MAN2B2: variants seen among roughly 807,000 people sequenced by gnomAD.
MAN2B2 encodes the protein mannosidase alpha class 2B member 2, also known as epididymis-specific alpha-mannosidase.
MAN2B2 carries 106 observed loss-of-function variants against 117.1 expected under a neutral mutation model. The observed-to-expected ratio is 0.90, with a 90% CI of 0.77 to 1.06. The LOEUF (loss-of-function observed/expected upper bound fraction) is 1.06, where lower values mean the gene tolerates loss of function less well. MAN2B2 is among the 50% of genes least tolerant of loss of function. The pLI is 0.00. For synonymous variants in MAN2B2, 544 were observed against 595.1 expected, an observed-to-expected ratio of 0.91 and a Z score of 1.25; for missense variants, 1,326 against 1,381.4, an observed-to-expected ratio of 0.96 and a Z score of 0.64.
In MAN2B2 at chr4:6,611,275, G is replaced by A. The variant is rs757968931; in HGVS notation, c.2560G>A (p.Ala854Thr). 2.8e-5 allele frequency: 44 copies of A among 1,596,662 alleles called. No homozygotes were observed. The highest frequency in any genetic ancestry group is 4.5e-5 in the East Asian group (2 of 44,688). Residue 854 changes from alanine to threonine, a missense_variant, in exon 15 of 19, where the codon GCT becomes ACT. Physicochemically the swap from Ala to Thr is moderately conservative, Grantham distance 58 (BLOSUM62 0). Coordinates refer to ENST00000285599, the MANE Select transcript of MAN2B2 (RefSeq NM_015274.3). ...HRPVVLFGDL[A>T]GTAPKLPGPQ... Reference sequence around the variant, plus strand: ...GCCCGTGGTGCTGTTCGGAGACCTCGCTGGTAAAGGGGCACCCTTTCAGAG... The same window carrying A: ...GCCCGTGGTGCTGTTCGGAGACCTCACTGGTAAAGGGGCACCCTTTCAGAG...
In MAN2B2 at chr4:6,608,010, T is replaced by TA. The variant is rs753400123; in HGVS notation, c.1815-1096dup. 2.0e-5 allele frequency among the ~76,000 whole-genome samples: 3 copies of TA among 152,368 alleles called. No homozygotes were observed. The South Asian group carries it at 6.2e-4, about 32-fold the overall frequency. Reference sequence around the variant, plus strand: ...GGTGTTGAGCATCTCTTCATGTACTTACTGGTCACTAGCATATCTTCTGTG... The same window carrying TA: ...GGTGTTGAGCATCTCTTCATGTACTTAACTGGTCACTAGCATATCTTCTGTG... On this transcript the variant is annotated intron_variant, in intron 11 of 18. Transcript: ENST00000285599.
intron 6 of MAN2B2, among the ~76,000 whole-genome samples, chr4:6,593,661 G>T (rs1024496518): frequency 6.6e-6 from 1 of 152,238 alleles, no homozygotes; most frequent in Non-Finnish European, 1.5e-5. Context: ...AGTTGCCTCC[G>T]CTGTAAAATG....
At position 6,575,237 on chromosome 4, in the gene MAN2B2, G is replaced by T; in HGVS notation, c.27G>T (p.Leu9=). 5 of 1,538,220 alleles carry T rather than the reference G, an allele frequency of 3.3e-6. No individual in the cohort carries two copies. Among genetic ancestry groups the T allele is most frequent in the Non-Finnish European group, 4.4e-6 (5 of 1,146,752 alleles). The change falls in exon 1 of 19, where the codon CTG becomes CTT. Residue 9 remains leucine (L), a synonymous_variant. Transcript: ENST00000285599. MGQLCWLP[L]LAPLLLLRPP... ...TGGGGCAGCTGTGCTGGCTGCCGCT[G>T]CTGGCACCGCTCCTGTTGCTGCGAC...
chr4:6,588,640 G>A (rs988586080), intron 4 of MAN2B2, among the ~76,000 whole-genome samples: 4 of 152,146 alleles, frequency 2.6e-5, no homozygotes, highest in Non-Finnish European at 5.9e-5. Context: ...GCTTGAACCA[G>A]GGAGGTGAAG....
intron 7 of MAN2B2, among the ~76,000 whole-genome samples, 158 bp from the exon 8 acceptor site, chr4:6,596,955 C>T (rs1226253015): frequency 1.3e-5 from 2 of 152,160 alleles, no homozygotes; most frequent in East Asian, 1.9e-4. Flanking sequence ...AGTTGGGAGC[C>T]GTAAGCCCTG....
intron 3 of MAN2B2, among the ~76,000 whole-genome samples, chr4:6,579,093 TCACCAGCACCAC>T (rs1726215998): frequency 8.1e-5 from 3 of 37,182 alleles, no homozygotes; most frequent in African/African-American, 1.1e-4. Context: ...ACCATCACCA[TCACCAGCACCAC>T]CACCATCACC....
intron 10 of MAN2B2, among the ~76,000 whole-genome samples, chr4:6,601,662 C>T (rs1727336245): frequency 6.6e-6 from 1 of 152,206 alleles, no homozygotes; most frequent in African/African-American, 2.4e-5. Context: ...CAGAAGGCAC[C>T]TCCACAGCAT....
intron 3 of MAN2B2, among the ~76,000 whole-genome samples, chr4:6,579,325 C>CCATCACCACCACCACCAT (rs1560635092): frequency 1.7e-5 from 1 of 57,288 alleles, no homozygotes. Context: ...ACCATCACCA[C>CCATCACCACCACCACCAT]CACCACCACC....
Position 6,614,420 on chromosome 4 carries a change from C to T in MAN2B2, c.2701+65C>T, listed in dbSNP as rs1234951986. ...TCCCTGAGTCAAACAGGCCACCGGG[C>T]CCACCACCAGACAGGGGCTCACCTT... is the stretch of plus-strand genomic sequence containing the variant. On this transcript the variant is annotated intron_variant, in intron 16 of 18. Coordinates refer to ENST00000285599, the MANE Select transcript of MAN2B2 (RefSeq NM_015274.3). 19 of 1,575,416 alleles carry T rather than the reference C, an allele frequency of 1.2e-5. No individual in the cohort carries two copies. In the Admixed American group the frequency reaches 1.9e-4, roughly 16 times the overall value.
chr4:6,608,772 T>C lies in MAN2B2; in HGVS notation c.1815-335T>C, dbSNP rs113285264. 6.9e-3 allele frequency among the ~76,000 whole-genome samples: 1,046 copies of C among 152,242 alleles called. 17 individuals carry two copies. The highest frequency in any genetic ancestry group is 0.023 in the African/African-American group (939 of 41,532). ...CCTGCTGGACAGCTCAGAGTCAGCA[T>C]GACAAAAGCCCGTTCCTGCACTGGT... is the stretch of plus-strand genomic sequence containing the variant. On this transcript the variant is annotated intron_variant, in intron 11 of 18. Transcript: ENST00000285599.
chr4:6,605,336 T>C lies in MAN2B2; in HGVS notation c.1814+7T>C. 6.3e-7 allele frequency: 1 copy of C among 1,599,738 alleles called. No individual in the cohort carries two copies. The stretch of plus-strand genomic sequence containing the variant: ...TGCACAGCATCTGGGAGAGGTAAGG[T>C]GCAGCCATTGCTGTCTCTGAGGCAC... On this transcript the variant is annotated splice_region_variant and intron_variant, in intron 11 of 18. Coordinates refer to ENST00000285599, the MANE Select transcript of MAN2B2 (RefSeq NM_015274.3).
intron 9 of MAN2B2, among the ~76,000 whole-genome samples, chr4:6,598,597 G>A (rs1434175922): frequency 6.6e-6 from 1 of 152,198 alleles, no homozygotes; most frequent in Admixed American, 6.5e-5. Context: ...AACATGTTTT[G>A]AGCATTTACT....
At chr4:6,597,603 G>A (rs747145493) in intron 8 of MAN2B2, among the ~76,000 whole-genome samples, 6 of 152,194 alleles carry the variant, frequency 3.9e-5, no homozygotes, top group Non-Finnish European at 7.3e-5. Context: ...TCCATATCTC[G>A]GCTCAGCTGT....
At position 6,594,664 on chromosome 4, in the gene MAN2B2, G is replaced by T; in HGVS notation, c.989G>T (p.Arg330Leu). 1 of 1,613,400 alleles carries T rather than the reference G, an allele frequency of 6.2e-7. No homozygotes were observed. Among genetic ancestry groups the T allele is most frequent in the Non-Finnish European group, 8.5e-7 (1 of 1,180,006 alleles). Residue 330 changes from arginine to leucine, a missense_variant, in exon 7 of 19, where the codon CGT (arginine) becomes CTT (leucine). Transcript: ENST00000285599. ...VQYATLGDYF[R>L]ALHALNVTWR... ...TATGCCACGCTGGGCGACTACTTCC[G>T]TGCCCTGCACGCTCTCAATGTCACC...
At chr4:6,614,490 A>G in intron 16 of MAN2B2, 135 bp downstream of exon 16, 1 of 1,095,116 alleles carries the variant, frequency 9.1e-7, no homozygotes. Flanking sequence ...CTTATCTGGC[A>G]CATGGGGAGA....
intron 12 of MAN2B2, 185 bp downstream of exon 12, chr4:6,609,483 C>T (rs1727682176): frequency 1.5e-6 from 1 of 672,936 alleles, no homozygotes; most frequent in Admixed American, 2.9e-5. Flanking sequence ...TGTGCTGTGT[C>T]ACGTTGGTTG....
intron 5 of MAN2B2, among the ~76,000 whole-genome samples, chr4:6,591,025 G>A (rs1726839154): frequency 6.6e-6 from 1 of 152,186 alleles, no homozygotes; most frequent in Admixed American, 6.5e-5. Flanking sequence ...AGCATTGCCT[G>A]TAATCTCAGC....
At chr4:6,610,564 T>C (rs1302623170) in intron 13 of MAN2B2, among the ~76,000 whole-genome samples, 13 of 152,216 alleles carry the variant, frequency 8.5e-5, no homozygotes, top group African/African-American at 2.9e-4. Context: ...CAGACAAGAA[T>C]AGTATGTGCC....
intron 3 of MAN2B2, among the ~76,000 whole-genome samples, chr4:6,580,310 G>A (rs1173799589): frequency 6.6e-6 from 1 of 152,130 alleles, no homozygotes; most frequent in African/African-American, 2.4e-5. Flanking sequence ...AACAGGGGAG[G>A]ACAGCAAGGC....
Sources: allele counts gnomAD v4.1 joint callset (sites outside exome capture counted in the v4.1 genomes callset), GRCh38; gene constraint gnomAD v4.1.1; transcripts MANE v1.5; gene names NCBI Gene and HGNC (gene_info 2026-07-23, HGNC 2026-07-21).